Variants in GRIK1 observed in about 807,000 individuals in gnomAD.
GRIK1 encodes glutamate ionotropic receptor kainate type subunit 1, also known as glutamate receptor ionotropic, kainate 1.
In GRIK1, 69 loss-of-function variants were observed where a neutral mutation model predicts 105.7. The observed-to-expected ratio is 0.65, with a 90% CI of 0.54 to 0.80. The LOEUF (loss-of-function observed/expected upper bound fraction) is 0.80. Ranked by LOEUF, GRIK1 falls within the 30% of genes least tolerant of loss-of-function variation. The pLI, the probability that GRIK1 is intolerant of heterozygous loss-of-function variation, is 0.00. For missense variants in GRIK1, 1,109 were observed against 1,167.3 expected (o/e 0.95, Z 0.73); for synonymous variants, 438 against 431.3 (o/e 1.02, Z -0.19).
At chr21:29,901,874 A>T (rs2146263201) in intron 1 of GRIK1, among the ~76,000 whole-genome samples, 1 of 152,000 alleles carries the variant, frequency 6.6e-6, no homozygotes, top group Middle Eastern at 3.4e-3. Flanking sequence ...AATAACCCTG[A>T]TGAACATCGA....
intron 1 of GRIK1, among the ~76,000 whole-genome samples, chr21:29,842,689 C>G (rs1569151032): frequency 6.6e-6 from 1 of 152,146 alleles, no homozygotes; most frequent in South Asian, 2.1e-4. Context: ...GTTATATCTT[C>G]AAACTATCTG....
At chr21:29,702,276 T>C (rs979250262) in intron 1 of GRIK1, among the ~76,000 whole-genome samples, 9 of 152,146 alleles carry the variant, frequency 5.9e-5, no homozygotes, top group African/African-American at 1.9e-4. Context: ...AAACTGTGCA[T>C]GTACCCCTGA....
intron 7 of GRIK1, among the ~76,000 whole-genome samples, chr21:29,641,074 T>G (rs533022628): frequency 6.6e-6 from 1 of 152,190 alleles, no homozygotes; most frequent in African/African-American, 2.4e-5. Flanking sequence ...TTCACAAGCA[T>G]TTGCCTAATT....
At chr21:29,564,241 G>A (rs965038627) in intron 14 of GRIK1, among the ~76,000 whole-genome samples, 5 of 151,840 alleles carry the variant, frequency 3.3e-5, no homozygotes, top group South Asian at 2.1e-4. Context: ...TCCGCCTCCC[G>A]GGTTCACGCC....
chr21:29,690,093 T>G, intron 2 of GRIK1, 108 bp from the exon 3 acceptor site: 1 of 851,816 alleles, frequency 1.2e-6, no homozygotes, highest in South Asian at 1.7e-5. Flanking sequence ...CTCTTTTTAA[T>G]GCAACTATTG....
intron 7 of GRIK1, among the ~76,000 whole-genome samples, chr21:29,635,983 T>C (rs2062391071): frequency 6.6e-6 from 1 of 151,996 alleles, no homozygotes; most frequent in Non-Finnish European, 1.5e-5. Context: ...GCTTCAGAAA[T>C]CTCCCAGGCC....
intron 1 of GRIK1, among the ~76,000 whole-genome samples, chr21:29,847,530 G>C (rs1376107005): frequency 6.6e-6 from 1 of 152,260 alleles, no homozygotes; most frequent in East Asian, 1.9e-4. Flanking sequence ...GGAGGTGGAG[G>C]GTGCAGTGAG....
intron 1 of GRIK1, among the ~76,000 whole-genome samples, chr21:29,716,538 T>C (rs116074567): frequency 2.3e-3 from 357 of 152,282 alleles, no homozygotes; most frequent in African/African-American, 8.2e-3. Flanking sequence ...GCTGACTTGG[T>C]CACAAGTGGA....
At chr21:29,657,885 A>G (rs1401063500) in intron 4 of GRIK1, 1 of 152,252 alleles carries the variant, frequency 6.6e-6, no homozygotes, top group Non-Finnish European at 1.5e-5. Flanking sequence ...TTAAGGGATT[A>G]AGAAAATGTC....
chr21:29,616,253 A>T (rs1441797364), intron 7 of GRIK1, among the ~76,000 whole-genome samples: 2 of 152,180 alleles, frequency 1.3e-5, no homozygotes, highest in African/African-American at 2.4e-5. Flanking sequence ...CAGGAGACTG[A>T]CTGAACCCAT....
rs1231431821 is a variant in GRIK1 at position 29,939,526 on chromosome 21, A to C, written c.-26T>G. The C allele has an allele frequency of 1.4e-6, 2 of 1,443,562 alleles. No individual in the cohort carries two copies. The highest frequency in any genetic ancestry group is 2.5e-5 in the South Asian group (2 of 80,292). 89.4% of individuals were successfully genotyped at this position (1,443,562 alleles called of 1,614,324 possible). On this transcript the variant is annotated 5_prime_UTR_variant, in exon 1 of 18. Transcript: ENST00000327783. Reference sequence around the variant, plus strand: ...CTTCCTAGCTTCTTAATTCATGCCGAGATACAGCCGCTGCCGGACGCCCGA... The same window carrying C: ...CTTCCTAGCTTCTTAATTCATGCCGCGATACAGCCGCTGCCGGACGCCCGA...
At chr21:29,797,820 G>A (rs958414089) in intron 1 of GRIK1, among the ~76,000 whole-genome samples, 2 of 152,024 alleles carry the variant, frequency 1.3e-5, no homozygotes, top group African/African-American at 2.4e-5. Context: ...AAAGTACAAC[G>A]TTTTCTCCCA....
At chr21:29,730,769 C>G (rs1416632410) in intron 1 of GRIK1, among the ~76,000 whole-genome samples, 1 of 152,190 alleles carries the variant, frequency 6.6e-6, no homozygotes, top group Non-Finnish European at 1.5e-5. Context: ...CATTTACCAT[C>G]ATGACATTCA....
intron 4 of GRIK1, among the ~76,000 whole-genome samples, chr21:29,671,692 C>A (rs916983442): frequency 1.3e-5 from 2 of 152,156 alleles, no homozygotes; most frequent in Non-Finnish European, 2.9e-5. Flanking sequence ...CAACCCCAGA[C>A]CTTTAAACAA....
chr21:29,875,234 G>A (rs573016962), intron 1 of GRIK1, among the ~76,000 whole-genome samples: 1 of 151,844 alleles, frequency 6.6e-6, no homozygotes, highest in Non-Finnish European at 1.5e-5. Flanking sequence ...AAAACACTCC[G>A]AGTCCCTGGA....
chr21:29,546,647 T>A (rs984893088), intron 16 of GRIK1, among the ~76,000 whole-genome samples: 1 of 152,240 alleles, frequency 6.6e-6, no homozygotes, highest in African/African-American at 2.4e-5. Context: ...TAGTAAAATA[T>A]CATTATCTCT....
In GRIK1 at chr21:29,856,735, A is replaced by G. The variant is rs78886828; in HGVS notation, c.118+82648T>C. Among the ~76,000 whole-genome samples the G allele has an allele frequency of 1.7e-3, 255 of 152,332 alleles. 6 individuals are homozygous for G. In the East Asian group the frequency reaches 0.043, roughly 25 times the overall value. ...TTATTTTCAGATGATGATAAATGCT[A>G]TGATGAAAATGATGTAGAGTGATAG... On this transcript the variant is annotated intron_variant, in intron 1 of 17. Transcript: ENST00000327783.
At chr21:29,802,805 A>G (rs943739761) in intron 1 of GRIK1, among the ~76,000 whole-genome samples, 2 of 152,178 alleles carry the variant, frequency 1.3e-5, no homozygotes, top group African/African-American at 4.8e-5. Flanking sequence ...CATAAAGTAT[A>G]TACTGACTTG....
intron 9 of GRIK1, among the ~76,000 whole-genome samples, chr21:29,593,664 T>C (rs1234050601): frequency 6.6e-6 from 1 of 152,186 alleles, no homozygotes; most frequent in Non-Finnish European, 1.5e-5. Flanking sequence ...AAGTAAGTAT[T>C]GAAGGGTGGA....
Sources: allele counts gnomAD v4.1 joint callset (sites outside exome capture counted in the v4.1 genomes callset), GRCh38; gene constraint gnomAD v4.1.1; transcripts MANE v1.5; gene names NCBI Gene and HGNC (gene_info 2026-07-23, HGNC 2026-07-21).